The following CD99 variants were observed in gnomAD, a reference collection of about 807,000 sequenced individuals.
CD99 encodes CD99 molecule (Xg blood group).
Under a neutral mutation model 28.4 loss-of-function variants are expected in CD99, and 19 were observed. The observed-to-expected ratio is 0.67, with a 90% confidence interval of 0.47 to 0.98. CD99 has a LOEUF of 0.98. Among genes scored for constraint, CD99 ranks in the 50% least tolerant of loss-of-function variants. The pLI, the probability that CD99 is intolerant of heterozygous loss-of-function variation, is 0.00. For synonymous variants in CD99, 103 were observed against 92.1 expected (o/e 1.12, Z -0.67); for missense variants, 283 against 248.8 (o/e 1.14, Z -0.92).
chrX:2,714,386 TC>T, intron 1 of CD99, 35 bp from the exon 2 acceptor site: 1 of 1,498,946 alleles, frequency 6.7e-7, no homozygotes. Flanking sequence ...TTTTTATTTT[TC>T]TTGTTTCTAA....
At chrX:2,718,535 A>AT (rs1371499090) in intron 3 of CD99, among the ~76,000 whole-genome samples, 6 of 151,578 alleles carry the variant, frequency 4.0e-5, no homozygotes, top group African/African-American at 1.5e-4. Context: ...CGCCCAGCTA[A>AT]TTTTTTTGTA....
chrX:2,691,817 C>G (rs749354131), intron 1 of CD99: 1 of 776,468 alleles, frequency 1.3e-6, no homozygotes, highest in South Asian at 1.4e-5. Flanking sequence ...TCAGGCCGCG[C>G]GCGGAGGCCG....
In CD99 at chrX:2,733,334, T is replaced by C. The variant is rs184476118; in HGVS notation, c.476-4866T>C. On this transcript the variant is annotated intron_variant, in intron 8 of 9. Coordinates refer to ENST00000381192, the MANE Select transcript of CD99 (RefSeq NM_002414.5). ...TTACTTTTTGTATTATTATTTTTTA[T>C]CGTTTTCAACCTTCCATTTCAGATG... is the stretch of plus-strand genomic sequence containing the variant. 8.1e-4 allele frequency: 1,271 copies of C among 1,568,734 alleles called. 14 individuals are homozygous for C. In the East Asian group the frequency reaches 0.025, roughly 30 times the overall value.
intron 3 of CD99, 77 bp downstream of exon 3, chrX:2,717,729 A>G (rs2048800076): frequency 7.6e-7 from 1 of 1,318,018 alleles, no homozygotes; most frequent in Non-Finnish European, 1.1e-6. Flanking sequence ...GACTTAGGCA[A>G]CTAGAAAGAA....
At chrX:2,733,342 A>G in intron 8 of CD99, 1 of 1,579,610 alleles carries the variant, frequency 6.3e-7, no homozygotes, top group Non-Finnish European at 8.6e-7. Context: ...TATCGTTTTC[A>G]ACCTTCCATT....
chrX:2,733,250 C>G (rs908939696), intron 8 of CD99: 10 of 1,222,742 alleles, frequency 8.2e-6, no homozygotes, highest in Non-Finnish European at 1.2e-5. Flanking sequence ...GCAGCTCTTT[C>G]TAACACCTCC....
rs1054758444 is a variant in CD99, at chrX:2,717,400, A to G, written c.101-205A>G. The stretch of plus-strand genomic sequence containing the variant: ...GGGGCTCCTGGTCTCTGTGGAAACC[A>G]TGGCCGGTAGCAGCCTCTGTGTCTG... On this transcript the variant is annotated intron_variant, in intron 2 of 9. Transcript: ENST00000381192. The G allele has an allele frequency of 8.6e-6, 5 of 579,802 alleles. No homozygotes were observed. The African/African-American group carries it at 9.4e-5, about 11-fold the overall frequency. 35.9% of individuals were successfully genotyped at this position (579,802 alleles called of 1,614,324 possible).
At position 2,724,867 on chromosome X, in the gene CD99, C is replaced by T. The variant is rs765412141; in HGVS notation, c.362-1393C>T. ...GAGCTGAAATCGTGCCACTGCACTCCAGCCTGGGTGACAAAGTAAGACTGC... is the reference window on the plus strand; with the variant it reads ...GAGCTGAAATCGTGCCACTGCACTCTAGCCTGGGTGACAAAGTAAGACTGC... On this transcript the variant is annotated intron_variant, in intron 7 of 9. Coordinates refer to ENST00000381192, the MANE Select transcript of CD99 (RefSeq NM_002414.5). Among the ~76,000 whole-genome samples the T allele has an allele frequency of 1.1e-3, 170 of 149,522 alleles. No individual in the cohort carries two copies. The Middle Eastern group carries it at 0.017, about 15-fold the overall frequency.
intron 1 of CD99, among the ~76,000 whole-genome samples, chrX:2,705,738 G>A (rs1309038425): frequency 1.3e-5 from 2 of 152,162 alleles, no homozygotes; most frequent in African/African-American, 4.8e-5. Flanking sequence ...CCCTGTGACC[G>A]ATCGTCTGCC....
rs1362603600 is a variant in CD99, at chrX:2,741,258, G to T, written c.*454G>T. 1.2e-5 allele frequency: 2 copies of T among 160,768 alleles called. No individual in the cohort carries two copies. Among genetic ancestry groups the T allele is most frequent in the Admixed American group, 6.4e-5 (1 of 15,532 alleles). 10.0% of individuals were successfully genotyped at this position (160,768 alleles called of 1,614,324 possible). A position where few individuals can be genotyped will look rare whatever the true frequency, so the allele number is the denominator to read the frequency against. The stretch of plus-strand genomic sequence containing the variant: ...TGTTTCTTCAATATTTCTTTCATTT[G>T]TAGGGATATTTGTTTTTCATATCAG... On this transcript the variant is annotated 3_prime_UTR_variant, in exon 10 of 10. Transcript: ENST00000381192.
At chrX:2,699,615 C>G (rs1038737145) in intron 1 of CD99, among the ~76,000 whole-genome samples, 13 of 152,076 alleles carry the variant, frequency 8.5e-5, no homozygotes, top group African/African-American at 3.1e-4. Flanking sequence ...AGCTGGCACG[C>G]CCAGCCAAAT....
At chrX:2,727,601 T>C (rs1166842278) in intron 8 of CD99, among the ~76,000 whole-genome samples, 12 of 152,044 alleles carry the variant, frequency 7.9e-5, no homozygotes, top group African/African-American at 2.9e-4. Flanking sequence ...CTCAGCCTCC[T>C]GAGTAGCTGG....
Position 2,709,600 on chromosome X carries a change from GCA to G in CD99, c.68-4816_68-4815del, listed in dbSNP as rs761673625. Among the ~76,000 whole-genome samples, 157 of 152,358 alleles carry G rather than the reference GCA, an allele frequency of 1.0e-3. 2 individuals carry two copies. Among genetic ancestry groups the G allele is most frequent in the African/African-American group, 3.6e-3 (150 of 41,586 alleles). ...CATACACCCACACATACGTGCAGGAGCACACACGTGCACACACAGAAACCACA... is the reference window on the plus strand; with the variant it reads ...CATACACCCACACATACGTGCAGGAGCACACGTGCACACACAGAAACCACA... On this transcript the variant is annotated intron_variant, in intron 1 of 9. Coordinates refer to ENST00000381192, the MANE Select transcript of CD99 (RefSeq NM_002414.5).
intron 1 of CD99, 52 bp downstream of exon 1, chrX:2,691,479 A>T (rs1178281966): frequency 6.5e-7 from 1 of 1,537,692 alleles, no homozygotes; most frequent in Non-Finnish European, 8.7e-7. Flanking sequence ...GCGGGCCGGG[A>T]CTGGGGATCC....
At chrX:2,719,259 A>G (rs151164631) in intron 3 of CD99, 3,190 of 212,348 alleles carry the variant, frequency 0.015, 98 homozygotes, top group African/African-American at 0.069. Flanking sequence ...CTACCTTTCC[A>G]AAGTTGTTAG....
chrX:2,728,335 A>G (rs1435744510), intron 8 of CD99, among the ~76,000 whole-genome samples: 1 of 150,144 alleles, frequency 6.7e-6, no homozygotes, highest in Non-Finnish European at 1.5e-5. Context: ...AGCTGGGATT[A>G]CAGATGTGCA....
rs972675435 is a variant in CD99 at position 2,734,236 on chromosome X, T to C, written c.476-3964T>C. ...TTCTTTTCATTTTTTTCTTATTTCT[T>C]TTCCTTCTATTTATTTTACTTTTCT... On this transcript the variant is annotated intron_variant, in intron 8 of 9. Coordinates refer to ENST00000381192, the MANE Select transcript of CD99 (RefSeq NM_002414.5). Among the ~76,000 whole-genome samples, 15 of 152,104 alleles carry C rather than the reference T, an allele frequency of 9.9e-5. 1 individual carries two copies. The highest frequency in any genetic ancestry group is 4.1e-4 in the South Asian group (2 of 4,824).
Position 2,691,447 on chromosome X carries a change from C to A in CD99, c.67+20C>A. The A allele has an allele frequency of 1.3e-6, 2 of 1,577,554 alleles. No individual in the cohort carries two copies. The highest frequency in any genetic ancestry group is 1.7e-6 in the Non-Finnish European group (2 of 1,170,860). ...CCCCGGGTGAGCGAGCGGAGGGATCCGGGTTGGGGGACGCGGAGGGCGCGG... is the reference window on the plus strand; with the variant it reads ...CCCCGGGTGAGCGAGCGGAGGGATCAGGGTTGGGGGACGCGGAGGGCGCGG... On this transcript the variant is annotated intron_variant, in intron 1 of 9. Coordinates refer to ENST00000381192, the MANE Select transcript of CD99 (RefSeq NM_002414.5).
chrX:2,724,493 G>T (rs1227243481), intron 7 of CD99, among the ~76,000 whole-genome samples: 1 of 152,214 alleles, frequency 6.6e-6, no homozygotes, highest in Non-Finnish European at 1.5e-5. Flanking sequence ...CAATGGCCAG[G>T]CACGCTGGCT....
Sources: allele counts gnomAD v4.1 joint callset (sites outside exome capture counted in the v4.1 genomes callset), GRCh38; gene constraint gnomAD v4.1.1; transcripts MANE v1.5; gene names NCBI Gene and HGNC (gene_info 2026-07-23, HGNC 2026-07-21).